MARK4: variants seen among roughly 807,000 people sequenced by gnomAD.
MARK4 encodes MAP/microtubule affinity-regulating kinase 4.
A neutral mutation model predicts 81.5 loss-of-function variants in MARK4; 19 were observed. That is an observed-to-expected ratio of 0.23 (90% CI 0.16 to 0.34). The LOEUF (loss-of-function observed/expected upper bound fraction) is 0.34. MARK4 is among the 10% of genes least tolerant of loss of function. The pLI is 1.00. For missense variants in MARK4, 772 were observed against 1,058.8 expected, an observed-to-expected ratio of 0.73 and a Z score of 3.76; for synonymous variants, 436 against 439.0, an observed-to-expected ratio of 0.99 and a Z score of 0.08.
chr19:45,264,551 G>A (rs1426577861), intron 4 of MARK4, 133 bp from the exon 5 acceptor site: 10 of 806,268 alleles, frequency 1.2e-5, no homozygotes, highest in Non-Finnish European at 1.8e-5. Context: ...GGAAAATCTT[G>A]CTGTCAGTAG....
In MARK4 at chr19:45,260,697, A is replaced by T. The variant is rs922727786; in HGVS notation, c.252+1508A>T. On this transcript the variant is annotated intron_variant, in intron 2 of 16. Coordinates refer to ENST00000262891, the MANE Select transcript of MARK4 (RefSeq NM_001199867.2). ...GGGTGACAGAGCAAGACCATCTCAAAAAATAAATAAATAAATAAATAAATA... is the reference window on the plus strand; with the variant it reads ...GGGTGACAGAGCAAGACCATCTCAATAAATAAATAAATAAATAAATAAATA... 1.9e-4 allele frequency among the ~76,000 whole-genome samples: 28 copies of T among 151,190 alleles called. No individual in the cohort carries two copies. The East Asian group carries it at 4.2e-3, about 23-fold the overall frequency.
intron 13 of MARK4, among the ~76,000 whole-genome samples, chr19:45,290,320 G>A (rs971712865): frequency 2.6e-5 from 4 of 152,248 alleles, no homozygotes; most frequent in Admixed American, 6.5e-5. Flanking sequence ...GCACCCAGCC[G>A]TGGTGGCTGG....
Position 45,260,697 on chromosome 19 carries a change from AAAATAAATAAAT to A in MARK4, c.252+1522_252+1533del, listed in dbSNP as rs71173135. On this transcript the variant is annotated intron_variant, in intron 2 of 16. Transcript: ENST00000262891. ...GGGTGACAGAGCAAGACCATCTCAA[AAAATAAATAAAT>A]AAATAAATAAATAGTAAATAAATTA... 4.0e-5 allele frequency among the ~76,000 whole-genome samples: 6 copies of A among 151,188 alleles called. No individual in the cohort carries two copies. In the East Asian group the frequency reaches 7.7e-4, roughly 19 times the overall value.
At chr19:45,290,385 G>C (rs1303243026) in intron 13 of MARK4, among the ~76,000 whole-genome samples, 1 of 152,266 alleles carries the variant, frequency 6.6e-6, no homozygotes, top group African/African-American at 2.4e-5. Flanking sequence ...GACTGATTGT[G>C]ACTGGCCTTC....
chr19:45,302,606 C>CT lies in MARK4; in HGVS notation c.2156dup (p.Pro720AlafsTer123). Reference sequence around the variant, plus strand: ...CCACTTCGAAGTGGAGGTCTGCCAGCTGCCCCGGCCAGGCTTGCGGGGAGT... The same window carrying CT: ...CCACTTCGAAGTGGAGGTCTGCCAGCTTGCCCCGGCCAGGCTTGCGGGGAGT... On this transcript the variant is annotated frameshift_variant, in exon 17 of 17. Coordinates refer to ENST00000262891, the MANE Select transcript of MARK4 (RefSeq NM_001199867.2). LOFTEE classifies it high-confidence loss of function. The surrounding 1 kb of genome is among the most constrained non-coding windows in gnomAD (Gnocchi z 4.9). 1 of 1,561,762 alleles carries CT rather than the reference C, an allele frequency of 6.4e-7. No individual in the cohort carries two copies. The highest frequency in any genetic ancestry group is 8.6e-7 in the Non-Finnish European group (1 of 1,160,726).
intron 1 of MARK4, among the ~76,000 whole-genome samples, chr19:45,257,121 AT>A (rs886397282): frequency 3.4e-4 from 50 of 145,456 alleles, no homozygotes; most frequent in Middle Eastern, 3.6e-3. Flanking sequence ...TGCCTAGCTA[AT>A]TTTTTTTTTT....
At position 45,266,511 on chromosome 19, in the gene MARK4, A is replaced by G. The variant is rs191068596; in HGVS notation, c.549+230A>G. Among the ~76,000 whole-genome samples the G allele has an allele frequency of 4.6e-5, 7 of 152,178 alleles. No homozygotes were observed. The East Asian group carries it at 1.4e-3, about 29-fold the overall frequency. On this transcript the variant is annotated intron_variant, in intron 7 of 16. Coordinates refer to ENST00000262891, the MANE Select transcript of MARK4 (RefSeq NM_001199867.2). Reference sequence around the variant, plus strand: ...TGGGGGGGAGGGGACAGGAGGAGTGAACAAAGCAGGGAGAAACAAAGTGTC... The same window carrying G: ...TGGGGGGGAGGGGACAGGAGGAGTGGACAAAGCAGGGAGAAACAAAGTGTC...
chr19:45,302,283 T>TGTGTCCCGAATTGGGAAGAG lies in MARK4; in HGVS notation c.1923-90_1923-71dup, dbSNP rs1244324159. 3.8e-6 allele frequency: 6 copies of TGTGTCCCGAATTGGGAAGAG among 1,588,128 alleles called. No individual in the cohort carries two copies. The East Asian group carries it at 9.0e-5, about 24-fold the overall frequency. ...TGTTTTTTGAGGGGATGGCTAGGAA[T>TGTGTCCCGAATTGGGAAGAG]GTGTCCCGAATTGGGAAGAGTTGTC... On this transcript the variant is annotated intron_variant, in intron 16 of 16. Transcript: ENST00000262891. The surrounding 1 kb of genome is among the most constrained non-coding windows in gnomAD (Gnocchi z 4.9).
intron 1 of MARK4, among the ~76,000 whole-genome samples, chr19:45,252,823 A>G (rs977036994): frequency 5.3e-5 from 8 of 152,056 alleles, no homozygotes; most frequent in Admixed American, 1.3e-4. Context: ...TCCTTGCCCA[A>G]GAAGTTCCTA....
chr19:45,259,507 A>G (rs1174815944), intron 2 of MARK4, among the ~76,000 whole-genome samples: 1 of 152,192 alleles, frequency 6.6e-6, no homozygotes, highest in Non-Finnish European at 1.5e-5. Flanking sequence ...CACACGTGTA[A>G]TCCCAGCACT....
intron 8 of MARK4, among the ~76,000 whole-genome samples, chr19:45,272,295 G>A (rs181897691): frequency 6.6e-6 from 1 of 152,322 alleles, no homozygotes; most frequent in African/African-American, 2.4e-5. Flanking sequence ...TCGTGCCACT[G>A]CACTCCAACC....
chr19:45,271,451 C>T lies in MARK4; in HGVS notation c.550-21C>T. On this transcript the variant is annotated intron_variant, in intron 7 of 16. Transcript: ENST00000262891. The surrounding 1 kb of genome is among the most constrained non-coding windows in gnomAD (Gnocchi z 4.1). Reference sequence around the variant, plus strand: ...TTTGGCCTTGAGTCCCACTTTCCGCCCTCTCCTTCTCTCCCTGCAGGCTGA... The same window carrying T: ...TTTGGCCTTGAGTCCCACTTTCCGCTCTCTCCTTCTCTCCCTGCAGGCTGA... The T allele has an allele frequency of 1.2e-6, 2 of 1,610,978 alleles. No homozygotes were observed. The highest frequency in any genetic ancestry group is 1.7e-6 in the Non-Finnish European group (2 of 1,177,672).
rs1387335333 is a variant in MARK4, at chr19:45,271,771, C to G, written c.786+63C>G. On this transcript the variant is annotated intron_variant, in intron 8 of 16. Transcript: ENST00000262891. The surrounding 1 kb of genome is among the most constrained non-coding windows in gnomAD (Gnocchi z 4.1). ...CCCCACAGTCAGGCCCCTATCCCCC[C>G]CACACCTCCCCTGCAGAGGGCCTCA... 3 of 1,450,312 alleles carry G rather than the reference C, an allele frequency of 2.1e-6. No individual in the cohort carries two copies. The highest frequency in any genetic ancestry group is 1.4e-5 in the African/African-American group (1 of 71,078). The allele number at this position is 1,450,312 out of a possible 1,614,324, so 89.8% of individuals were successfully genotyped here.
intron 13 of MARK4, among the ~76,000 whole-genome samples, chr19:45,290,903 G>A (rs1244663868): frequency 6.6e-6 from 1 of 152,184 alleles, no homozygotes; most frequent in South Asian, 2.1e-4. Context: ...CCGTGGGGAT[G>A]GGCCAGGAGA....
chr19:45,266,430 T>C, intron 7 of MARK4, 149 bp downstream of exon 7: 1 of 738,882 alleles, frequency 1.4e-6, no homozygotes, highest in South Asian at 1.6e-5. Flanking sequence ...CAGCACCCCC[T>C]TGACCCTTTC....
chr19:45,263,594 T>C (rs1970409140), intron 4 of MARK4, among the ~76,000 whole-genome samples: 1 of 151,756 alleles, frequency 6.6e-6, no homozygotes, highest in South Asian at 2.1e-4. Flanking sequence ...ATACAAAAAT[T>C]AGCAGGGCAT....
intron 12 of MARK4, among the ~76,000 whole-genome samples, chr19:45,285,840 T>C (rs1381946179): frequency 6.6e-6 from 1 of 152,196 alleles, no homozygotes. Context: ...CCCTCTCAAG[T>C]TTGAGATCAC....
chr19:45,280,276 T>G lies in MARK4; in HGVS notation c.1007-98T>G, dbSNP rs1970653826. 3.7e-6 allele frequency: 4 copies of G among 1,085,488 alleles called. No homozygotes were observed. The South Asian group carries it at 5.3e-5, about 14-fold the overall frequency. The allele number at this position is 1,085,488 out of a possible 1,614,324, so 67.2% of individuals were successfully genotyped here. A position where few individuals can be genotyped will look rare whatever the true frequency, so the allele number is the denominator to read the frequency against. ...GTGACCGTGCCACTGCACTCCAGCC[T>G]GGGTGACAGAGTGACACCCTGTCTC... is the stretch of plus-strand genomic sequence containing the variant. On this transcript the variant is annotated intron_variant, in intron 10 of 16. Coordinates refer to ENST00000262891, the MANE Select transcript of MARK4 (RefSeq NM_001199867.2).
Position 45,280,476 on chromosome 19 carries a change from A to G in MARK4, c.1109A>G (p.Lys370Arg). ...VTATYLLLGR[K>R]TEEGGDRGAP... ...GCCACCTACCTCCTGCTGGGCAGGA[A>G]GACTGAGGTCAGGGGGCGCCAGGGG... is the stretch of plus-strand genomic sequence containing the variant. The change falls in exon 11 of 17, where the codon AAG becomes AGG. Residue 370 changes from lysine (K) to arginine (R), a missense_variant. Lys to Arg is a conservative substitution (Grantham distance 26, BLOSUM62 2). This residue lies in a region of MARK4 where 548 missense variants were observed against 624.3 expected (regional missense o/e 0.88). Coordinates refer to ENST00000262891, the MANE Select transcript of MARK4 (RefSeq NM_001199867.2). The G allele has an allele frequency of 6.2e-7, 1 of 1,614,148 alleles. No individual in the cohort carries two copies. The highest frequency in any genetic ancestry group is 1.1e-5 in the South Asian group (1 of 91,086).
Sources: allele counts gnomAD v4.1 joint callset (sites outside exome capture counted in the v4.1 genomes callset), GRCh38; gene constraint gnomAD v4.1.1; regional missense constraint gnomAD v4.1.1; non-coding constraint Gnocchi (gnomAD v3.1); transcripts MANE v1.5; gene names NCBI Gene and HGNC (gene_info 2026-07-23, HGNC 2026-07-21).